The following TBCA variants were observed in gnomAD, a reference collection of about 807,000 sequenced individuals.
TBCA encodes the protein tubulin folding cofactor A.
TBCA carries 6 observed loss-of-function variants against 15.8 expected under a neutral mutation model. The observed-to-expected ratio is 0.38, with a 90% CI of 0.21 to 0.75. The LOEUF is 0.75. Among genes scored for constraint, TBCA ranks in the 30% least tolerant of loss-of-function variants. TBCA has a pLI of 0.46. For synonymous variants in TBCA, 32 were observed against 42.3 expected, an observed-to-expected ratio of 0.76 and a Z score of 0.94; for missense variants, 90 against 131.2, an observed-to-expected ratio of 0.69 and a Z score of 1.53.
chr5:77,729,653 T>C (rs1235520095), intron 1 of TBCA, among the ~76,000 whole-genome samples: 1 of 152,220 alleles, frequency 6.6e-6, no homozygotes, highest in East Asian at 1.9e-4. Context: ...ACTACAAATT[T>C]ACATGAAGGA....
At chr5:77,707,806 C>T (rs1258505693) in intron 2 of TBCA, among the ~76,000 whole-genome samples, 1 of 152,142 alleles carries the variant, frequency 6.6e-6, no homozygotes, top group African/African-American at 2.4e-5. Flanking sequence ...TTGGAAAAGA[C>T]AGTAGAATTT....
chr5:77,761,513 A>C (rs1468651622), intron 1 of TBCA, among the ~76,000 whole-genome samples: 2 of 151,816 alleles, frequency 1.3e-5, no homozygotes, highest in East Asian at 3.9e-4. Flanking sequence ...GGCCACAGGG[A>C]CGTCTGCCTA....
chr5:77,724,245 T>A (rs1434049907), intron 1 of TBCA, among the ~76,000 whole-genome samples: 2 of 152,048 alleles, frequency 1.3e-5, no homozygotes, highest in Admixed American at 6.6e-5. Context: ...TGTGCTTTTT[T>A]AAAAACTAAA....
At chr5:77,727,230 C>G (rs1746648270) in intron 1 of TBCA, among the ~76,000 whole-genome samples, 1 of 120,212 alleles carries the variant, frequency 8.3e-6, no homozygotes, top group African/African-American at 3.2e-5. Context: ...CAGTGAGACT[C>G]TGTCTCAGGA....
chr5:77,729,274 A>T (rs1328428776), intron 1 of TBCA, among the ~76,000 whole-genome samples: 1 of 152,090 alleles, frequency 6.6e-6, no homozygotes, highest in Non-Finnish European at 1.5e-5. Context: ...AGATCATGCC[A>T]CTGCACTCTA....
chr5:77,757,377 C>T (rs992940112), intron 1 of TBCA, among the ~76,000 whole-genome samples: 4 of 152,140 alleles, frequency 2.6e-5, no homozygotes, highest in Non-Finnish European at 5.9e-5. Flanking sequence ...AACTCAAGCT[C>T]GCCTTTCCTG....
intron 1 of TBCA, among the ~76,000 whole-genome samples, chr5:77,760,665 C>T (rs112613792): frequency 0.071 from 10,831 of 152,266 alleles, 539 homozygotes; most frequent in African/African-American, 0.14. Flanking sequence ...TCTAGTGATC[C>T]GCCTGCCTCG....
chr5:77,747,295 A>G (rs1747209407), intron 1 of TBCA, among the ~76,000 whole-genome samples: 1 of 152,170 alleles, frequency 6.6e-6, no homozygotes, highest in African/African-American at 2.4e-5. Context: ...TTCACTACAT[A>G]TAACATTGTC....
chr5:77,773,994 AACCG>A (rs1459679459), intron 1 of TBCA, among the ~76,000 whole-genome samples: 7 of 152,168 alleles, frequency 4.6e-5, no homozygotes, highest in Non-Finnish European at 7.3e-5. Flanking sequence ...TAAGCTCCAA[AACCG>A]TCTGAATGGA....
At chr5:77,698,533 A>G (rs1216024997) in intron 2 of TBCA, among the ~76,000 whole-genome samples, 1 of 152,234 alleles carries the variant, frequency 6.6e-6, no homozygotes, top group Non-Finnish European at 1.5e-5. Flanking sequence ...TTCCTACAAA[A>G]GAGCTCTCCA....
chr5:77,733,141 C>T (rs530683722), intron 1 of TBCA, among the ~76,000 whole-genome samples: 1 of 152,170 alleles, frequency 6.6e-6, no homozygotes, highest in Non-Finnish European at 1.5e-5. Context: ...ATTATCCAGA[C>T]ATCGTGGCAC....
At chr5:77,745,616 CTGGTGA>C (rs1425332951) in intron 1 of TBCA, among the ~76,000 whole-genome samples, 1 of 152,182 alleles carries the variant, frequency 6.6e-6, no homozygotes, top group Non-Finnish European at 1.5e-5. Flanking sequence ...CAGCTAAGAA[CTGGTGA>C]TGGTATAGGG....
chr5:77,776,236 G>C lies in TBCA; in HGVS notation c.22C>G (p.Gln8Glu). The change falls in exon 1 of 4, where the codon CAG becomes GAG. Residue 8 changes from glutamine (Q) to glutamate (E), a missense_variant. Gln to Glu is a conservative substitution (Grantham distance 29, BLOSUM62 2). Coordinates refer to ENST00000380377, the MANE Select transcript of TBCA (RefSeq NM_004607.3). Reference protein sequence around the residue: MADPRVRQIKIKTGVVKR... With the variant: MADPRVREIKIKTGVVKR... ...ACCACGCCGGTCTTGATCTTGATCT[G>C]TCTCACGCGAGGATCGGCCATGGTC... 6.3e-7 allele frequency: 1 copy of C among 1,578,682 alleles called. No individual in the cohort carries two copies. The highest frequency in any genetic ancestry group is 8.6e-7 in the Non-Finnish European group (1 of 1,163,184).
At chr5:77,695,716 T>C (rs1262571029) in intron 2 of TBCA, among the ~76,000 whole-genome samples, 1 of 152,210 alleles carries the variant, frequency 6.6e-6, no homozygotes, top group African/African-American at 2.4e-5. Context: ...GTCAAATGAA[T>C]TGTGCCTCTG....
At chr5:77,772,415 T>C (rs531710794) in intron 1 of TBCA, among the ~76,000 whole-genome samples, 4 of 152,200 alleles carry the variant, frequency 2.6e-5, no homozygotes, top group African/African-American at 9.6e-5. Flanking sequence ...CCATGGCACA[T>C]GTGTACCTAT....
intron 2 of TBCA, among the ~76,000 whole-genome samples, chr5:77,706,686 C>T (rs1746157212): frequency 6.6e-6 from 1 of 151,612 alleles, no homozygotes; most frequent in African/African-American, 2.4e-5. Context: ...TGGTGCATGC[C>T]TGTTAATCCC....
intron 1 of TBCA, among the ~76,000 whole-genome samples, chr5:77,730,706 T>C (rs528740236): frequency 2.6e-5 from 4 of 152,108 alleles, no homozygotes; most frequent in African/African-American, 9.6e-5. Flanking sequence ...TAATCTCACA[T>C]CCATCCATCC....
intron 3 of TBCA, 63 bp from the exon 4 acceptor site, chr5:77,691,561 C>G: frequency 6.8e-7 from 1 of 1,475,850 alleles, no homozygotes; most frequent in East Asian, 2.5e-5. Context: ...TTGTTATTTA[C>G]TCAAATATTA....
intron 3 of TBCA, 55 bp from the exon 4 acceptor site, chr5:77,691,553 GTTAT>G (rs1396250120): frequency 1.3e-6 from 2 of 1,485,806 alleles, no homozygotes; most frequent in African/African-American, 2.9e-5. Flanking sequence ...TCAGTACTTT[GTTAT>G]TTACTCAAAT....
Sources: gnomAD v4.1 joint callset for allele counts (sites outside exome capture counted in the v4.1 genomes callset) on GRCh38, gnomAD v4.1.1 for gene constraint, MANE v1.5 for transcripts, NCBI Gene and HGNC (gene_info 2026-07-23, HGNC 2026-07-21) for gene names.